Variants in EP400 observed in about 807,000 individuals in gnomAD.
EP400 encodes the protein E1A binding protein p400, also known as E1A-binding protein p400.
Under a neutral mutation model 354.1 loss-of-function variants are expected in EP400, and 105 were observed. The ratio of observed to expected loss-of-function variants is 0.30; its 90% CI spans 0.25 to 0.35. The LOEUF is 0.35. Among genes scored for constraint, EP400 ranks in the 10% least tolerant of loss-of-function variants. The pLI is 1.00. For missense variants in EP400, 3,280 were observed against 4,121.0 expected, an observed-to-expected ratio of 0.80 and a Z score of 5.59; for synonymous variants, 1,646 against 1,716.9, an observed-to-expected ratio of 0.96 and a Z score of 1.02.
In EP400 at chr12:132,006,674, ATTC is replaced by A. The variant is rs1217303721; in HGVS notation, c.3127-23_3127-21del. ...TGGGTGATTATTTTGACGAGCTGTC[ATTC>A]TTTTATTTGTTCATCACTGCAGGTC... On this transcript the variant is annotated intron_variant, in intron 14 of 52. Coordinates refer to ENST00000389561, the MANE Select transcript of EP400 (RefSeq NM_015409.5). The A allele has an allele frequency of 3.2e-6, 5 of 1,552,102 alleles. No individual in the cohort carries two copies. In the African/African-American group the frequency reaches 7.0e-5, roughly 22 times the overall value.
chr12:132,044,786 C>G lies in EP400; in HGVS notation c.6631-14C>G. ...TGAGTTCCACATCTCATGGGCCTTC[C>G]CTTCTCCATGCAGCTCTGGACCCCA... On this transcript the variant is annotated splice_polypyrimidine_tract_variant and intron_variant, in intron 36 of 52. Transcript: ENST00000389561. The G allele has an allele frequency of 1.2e-6, 2 of 1,614,118 alleles. No individual in the cohort carries two copies. The highest frequency in any genetic ancestry group is 2.2e-5 in the South Asian group (2 of 91,068).
At chr12:132,004,006 G>T (rs2136520993) in intron 12 of EP400, among the ~76,000 whole-genome samples, 1 of 151,348 alleles carries the variant, frequency 6.6e-6, no homozygotes, top group South Asian at 2.1e-4. Flanking sequence ...CCCAACTAAA[G>T]GGTTTTCCCC....
chr12:131,985,672 A>G (rs1032442825), intron 5 of EP400, among the ~76,000 whole-genome samples: 26 of 152,300 alleles, frequency 1.7e-4, no homozygotes, highest in African/African-American at 5.8e-4. Context: ...GAATGGCGCA[A>G]TCTCAGCTCA....
chr12:132,062,710 T>A lies in EP400; in HGVS notation c.8334+9T>A. On this transcript the variant is annotated intron_variant, in intron 47 of 52. Coordinates refer to ENST00000389561, the MANE Select transcript of EP400 (RefSeq NM_015409.5). ...TGGGCAAGCTGACGCCGGTGAGCAT[T>A]TCCCAGAGGACCATGAACGTGTGCG... is the stretch of plus-strand genomic sequence containing the variant. 1.9e-6 allele frequency: 3 copies of A among 1,612,602 alleles called. No individual in the cohort carries two copies. Among genetic ancestry groups the A allele is most frequent in the Non-Finnish European group, 2.5e-6 (3 of 1,178,650 alleles).
At chr12:132,024,282 A>T (rs1894223466) in intron 24 of EP400, among the ~76,000 whole-genome samples, 1 of 152,142 alleles carries the variant, frequency 6.6e-6, no homozygotes, top group African/African-American at 2.4e-5. Flanking sequence ...CTGAGGTGGG[A>T]AGATCACCTG....
chr12:132,053,501 C>T lies in EP400; in HGVS notation c.7632C>T (p.Pro2544=). ...QPPAGPPAVQ[P]QPQPQPQTQP... Reference sequence around the variant, plus strand: ...CAGCAGGGCCACCAGCTGTCCAGCCCCAACCCCAGCCACAGCCCCAGACCC... The same window carrying T: ...CAGCAGGGCCACCAGCTGTCCAGCCTCAACCCCAGCCACAGCCCCAGACCC... The change falls in exon 43 of 53, where the codon CCC becomes CCT. Residue 2544 remains proline, a synonymous_variant. Coordinates refer to ENST00000389561, the MANE Select transcript of EP400 (RefSeq NM_015409.5). The T allele has an allele frequency of 6.5e-7, 1 of 1,538,938 alleles. No homozygotes were observed. The highest frequency in any genetic ancestry group is 8.7e-7 in the Non-Finnish European group (1 of 1,148,674).
At chr12:131,972,418 G>T (rs952374368) in intron 2 of EP400, among the ~76,000 whole-genome samples, 2 of 152,058 alleles carry the variant, frequency 1.3e-5, no homozygotes, top group Non-Finnish European at 2.9e-5. Flanking sequence ...CTCCCAAAGT[G>T]CTGGGATTAC....
At chr12:132,003,275 C>G (rs1001504546) in intron 12 of EP400, among the ~76,000 whole-genome samples, 1 of 151,290 alleles carries the variant, frequency 6.6e-6, no homozygotes, top group Non-Finnish European at 1.5e-5. Flanking sequence ...AAAAAAGATA[C>G]CAAAAAAATG....
intron 2 of EP400, among the ~76,000 whole-genome samples, chr12:131,970,782 G>A (rs1239274214): frequency 1.3e-5 from 2 of 152,190 alleles, no homozygotes; most frequent in African/African-American, 4.8e-5. Flanking sequence ...TGTACAAAGC[G>A]ATTTGGTATA....
chr12:132,016,232 C>T (rs1326200658), intron 19 of EP400, among the ~76,000 whole-genome samples: 2 of 152,210 alleles, frequency 1.3e-5, no homozygotes, highest in African/African-American at 4.8e-5. Flanking sequence ...TCTCCTGATG[C>T]TTGTCTCCAT....
chr12:131,954,451 G>A (rs1270594791), intron 1 of EP400, among the ~76,000 whole-genome samples: 2 of 152,088 alleles, frequency 1.3e-5, no homozygotes, highest in Non-Finnish European at 1.5e-5. Context: ...TTGGCTGGGC[G>A]CAGTGGCTCG....
intron 2 of EP400, among the ~76,000 whole-genome samples, chr12:131,972,713 C>G (rs1159702962): frequency 6.6e-6 from 1 of 150,410 alleles, no homozygotes; most frequent in African/African-American, 2.5e-5. Context: ...AATTTTATCA[C>G]CCTAACACAA....
chr12:131,994,938 T>C lies in EP400; in HGVS notation c.2809T>C (p.Ser937Pro). 6.2e-7 allele frequency: 1 copy of C among 1,614,032 alleles called. No homozygotes were observed. The highest frequency in any genetic ancestry group is 8.5e-7 in the Non-Finnish European group (1 of 1,179,936). Residue 937 changes from serine to proline, a missense_variant, in exon 12 of 53, where the codon TCT becomes CCT. By Grantham distance (74) the Ser-to-Pro change is moderately conservative (BLOSUM62 -1). Coordinates refer to ENST00000389561, the MANE Select transcript of EP400 (RefSeq NM_015409.5). This position sits in a 1 kb window ranked among gnomAD's most constrained non-coding sequence, Gnocchi z 4.6. The stretch of plus-strand genomic sequence containing the variant: ...CGTTGTGGACCACCAAACAGAACTT[T>C]CTAATTTAGCCAAGGAAGGTAGGCT... ...EGVVDHQTELSNLAKEAELPL... is the reference protein window; with the variant it reads ...EGVVDHQTELPNLAKEAELPL...
chr12:131,975,203 C>G (rs1892430029), intron 2 of EP400, among the ~76,000 whole-genome samples: 1 of 152,132 alleles, frequency 6.6e-6, no homozygotes, highest in South Asian at 2.1e-4. Context: ...AGCCGGGGAG[C>G]AGTCAACAGG....
At chr12:132,032,190 A>T in intron 30 of EP400, 41 bp downstream of exon 30, 1 of 1,585,182 alleles carries the variant, frequency 6.3e-7, no homozygotes, top group South Asian at 1.1e-5. Context: ...ATGCAAAGAC[A>T]TCCACATATA....
chr12:132,041,291 CAAGTGTACACATTACA>C (rs1894896967), intron 32 of EP400, among the ~76,000 whole-genome samples: 1 of 152,246 alleles, frequency 6.6e-6, no homozygotes, highest in Non-Finnish European at 1.5e-5. Flanking sequence ...AAACATACAG[CAAGTGTACACATTACA>C]AAGATTCCAG....
In EP400 at chr12:131,982,371, A is replaced by G. The variant is rs1480785116; in HGVS notation, c.1822A>G (p.Ser608Gly). The G allele has an allele frequency of 1.9e-6, 3 of 1,614,156 alleles. No individual in the cohort carries two copies. The highest frequency in any genetic ancestry group is 2.2e-5 in the South Asian group (2 of 91,082). Reference protein sequence around the residue: ...QPNVPIPAPPSSQLPIPPSQP... With the variant: ...QPNVPIPAPPGSQLPIPPSQP... The stretch of plus-strand genomic sequence containing the variant: ...CAATGTTCCCATCCCTGCACCGCCC[A>G]GCAGCCAACTCCCCATCCCTCCCTC... The change falls in exon 5 of 53, where the codon AGC becomes GGC. Residue 608 changes from serine to glycine, a missense_variant. By Grantham distance (56) the Ser-to-Gly change is moderately conservative (BLOSUM62 0). Coordinates refer to ENST00000389561, the MANE Select transcript of EP400 (RefSeq NM_015409.5).
At position 132,018,765 on chromosome 12, in the gene EP400, G is replaced by A. The variant is rs1894026741; in HGVS notation, c.4277+389G>A. 6.6e-6 allele frequency among the ~76,000 whole-genome samples: 1 copy of A among 152,232 alleles called. No individual in the cohort carries two copies. The highest frequency in any genetic ancestry group is 6.5e-5 in the Admixed American group (1 of 15,290). ...GTCATTGTCTTAACAAGTGACATGT[G>A]AGTGATTCTGAAGTGATGCTTTTGC... On this transcript the variant is annotated intron_variant, in intron 21 of 52. Coordinates refer to ENST00000389561, the MANE Select transcript of EP400 (RefSeq NM_015409.5). This position sits in a 1 kb window ranked among gnomAD's most constrained non-coding sequence, Gnocchi z 4.0.
chr12:132,021,137 C>A lies in EP400; in HGVS notation c.4506C>A (p.Pro1502=), dbSNP rs762719151. The change falls in exon 23 of 53, where the codon CCC becomes CCA. Residue 1502 remains proline (P), a synonymous_variant. Transcript: ENST00000389561. ...QASASAPRHQ[P]ASASSTAASP... is the part of the protein sequence containing the mutation. The stretch of plus-strand genomic sequence containing the variant: ...CCGCCAGTGCTCCACGACACCAGCC[C>A]GCCTCGGCCTCCAGCACAGCCGCTA... The A allele has an allele frequency of 3.7e-6, 6 of 1,600,272 alleles. No homozygotes were observed. Among genetic ancestry groups the A allele is most frequent in the Non-Finnish European group, 5.1e-6 (6 of 1,179,816 alleles).
Sources: allele counts gnomAD v4.1 joint callset (sites outside exome capture counted in the v4.1 genomes callset), GRCh38; gene constraint gnomAD v4.1.1; non-coding constraint Gnocchi (gnomAD v3.1); transcripts MANE v1.5; gene names NCBI Gene and HGNC (gene_info 2026-07-23, HGNC 2026-07-21).